LRCH1: variants seen among roughly 807,000 people sequenced by gnomAD.
LRCH1 encodes leucine-rich repeat and calponin homology domain-containing protein 1.
In LRCH1, 23 loss-of-function variants were observed where a neutral mutation model predicts 94.9. The ratio of observed to expected loss-of-function variants is 0.24; its 90% CI spans 0.17 to 0.34. The LOEUF is 0.34. LRCH1 is among the 10% of genes least tolerant of loss of function. LRCH1 has a pLI of 1.00. For synonymous variants in LRCH1, 364 were observed against 354.9 expected, an observed-to-expected ratio of 1.03 and a Z score of -0.29; for missense variants, 790 against 945.9, an observed-to-expected ratio of 0.84 and a Z score of 2.16.
At chr13:46,672,944 C>G (rs1006813204) in intron 3 of LRCH1, among the ~76,000 whole-genome samples, 1 of 152,200 alleles carries the variant, frequency 6.6e-6, no homozygotes, top group Non-Finnish European at 1.5e-5. Context: ...AACACCCTCA[C>G]CCAGCGCAGT....
intron 1 of LRCH1, among the ~76,000 whole-genome samples, chr13:46,624,885 T>C (rs2050926012): frequency 1.3e-5 from 2 of 152,272 alleles, no homozygotes; most frequent in African/African-American, 4.8e-5. Flanking sequence ...AGTGAAATTT[T>C]GTATTAGGCA....
intron 1 of LRCH1, among the ~76,000 whole-genome samples, chr13:46,602,766 A>G (rs1403115160): frequency 1.3e-5 from 2 of 152,166 alleles, no homozygotes; most frequent in African/African-American, 4.8e-5. Context: ...TAGATTGGGC[A>G]ACATGGTAAA....
intron 1 of LRCH1, among the ~76,000 whole-genome samples, chr13:46,624,520 A>T (rs1477079407): frequency 6.6e-6 from 1 of 152,218 alleles, no homozygotes; most frequent in Non-Finnish European, 1.5e-5. Context: ...CGTTGGTGAG[A>T]GAACATGAAT....
chr13:46,674,892 G>A (rs532047593), intron 3 of LRCH1, among the ~76,000 whole-genome samples: 3 of 152,290 alleles, frequency 2.0e-5, no homozygotes, highest in Admixed American at 1.3e-4. Context: ...TCTCTTCACC[G>A]AAACTGTAAG....
intron 5 of LRCH1, 90 bp downstream of exon 5, chr13:46,686,131 G>A (rs963155991): frequency 7.0e-6 from 9 of 1,287,184 alleles, no homozygotes; most frequent in Non-Finnish European, 9.1e-6. Context: ...CTGAAAGTTT[G>A]CTGAAAATCA....
intron 1 of LRCH1, among the ~76,000 whole-genome samples, chr13:46,573,816 A>G (rs2050267447): frequency 7.0e-6 from 1 of 142,448 alleles, no homozygotes; most frequent in Non-Finnish European, 1.5e-5. Context: ...GATCTAGTAT[A>G]TGATAGCACA....
intron 2 of LRCH1, among the ~76,000 whole-genome samples, chr13:46,659,083 C>T (rs2051412263): frequency 6.6e-6 from 1 of 152,156 alleles, no homozygotes; most frequent in Non-Finnish European, 1.5e-5. Flanking sequence ...TGGAAAGGTA[C>T]ATTAGACAAG....
At chr13:46,641,226 G>A (rs777075187) in intron 1 of LRCH1, among the ~76,000 whole-genome samples, 3 of 152,132 alleles carry the variant, frequency 2.0e-5, no homozygotes, top group Non-Finnish European at 2.9e-5. Flanking sequence ...ATGTAGCTGC[G>A]ATTCTTCTAG....
chr13:46,627,816 T>C (rs2050968980), intron 1 of LRCH1, among the ~76,000 whole-genome samples: 1 of 152,220 alleles, frequency 6.6e-6, no homozygotes, highest in African/African-American at 2.4e-5. Context: ...TTTATACTTT[T>C]TGGATCCGTG....
intron 9 of LRCH1, among the ~76,000 whole-genome samples, chr13:46,695,670 A>G (rs537591192): frequency 1.3e-5 from 2 of 152,344 alleles, no homozygotes; most frequent in South Asian, 4.1e-4. Context: ...CCCAAGAATC[A>G]TAAAGATTAT....
At chr13:46,701,098 T>C in intron 10 of LRCH1, 23 bp from the exon 11 acceptor site, 1 of 1,487,264 alleles carries the variant, frequency 6.7e-7, no homozygotes, top group African/African-American at 1.4e-5. Context: ...GTTTTCATTC[T>C]TATGCTTGGT....
rs549892376 is a variant in LRCH1 at position 46,655,334 on chromosome 13, T to G, written c.452+4989T>G. Among the ~76,000 whole-genome samples, 3 of 152,348 alleles carry G rather than the reference T, an allele frequency of 2.0e-5. No individual in the cohort carries two copies. The East Asian group carries it at 5.8e-4, about 29-fold the overall frequency. ...TACTGTGAAGTGCAGTTAAAAACACTTACATATTTTTCACATTTTCTCACA... is the reference window on the plus strand; with the variant it reads ...TACTGTGAAGTGCAGTTAAAAACACGTACATATTTTTCACATTTTCTCACA... On this transcript the variant is annotated intron_variant, in intron 2 of 19. Transcript: ENST00000389797.
chr13:46,562,312 A>G (rs1594245058), intron 1 of LRCH1, among the ~76,000 whole-genome samples: 1 of 152,210 alleles, frequency 6.6e-6, no homozygotes, highest in African/African-American at 2.4e-5. Context: ...GACAACAGAA[A>G]TTAATTTTCC....
intron 11 of LRCH1, among the ~76,000 whole-genome samples, chr13:46,703,966 C>T (rs866281520): frequency 6.6e-6 from 1 of 152,062 alleles, no homozygotes; most frequent in South Asian, 2.1e-4. Flanking sequence ...AACTAACCTT[C>T]CAAGTGACAC....
intron 1 of LRCH1, among the ~76,000 whole-genome samples, chr13:46,590,578 T>C (rs1214798981): frequency 6.6e-6 from 1 of 152,132 alleles, no homozygotes; most frequent in African/African-American, 2.4e-5. Context: ...GGCAGGAGGA[T>C]CACTTGAGCC....
rs2051561970 is a variant in LRCH1 at position 46,669,017 on chromosome 13, A to G, written c.453-13A>G. On this transcript the variant is annotated splice_polypyrimidine_tract_variant and intron_variant, in intron 2 of 19. Coordinates refer to ENST00000389797, the MANE Select transcript of LRCH1 (RefSeq NM_001164211.2). Reference sequence around the variant, plus strand: ...TTCTGTTTACATGTGTTCTTGTTGTATTGTCTTTGCAGTCGAAATCAGCTG... The same window carrying G: ...TTCTGTTTACATGTGTTCTTGTTGTGTTGTCTTTGCAGTCGAAATCAGCTG... The G allele has an allele frequency of 1.9e-6, 3 of 1,613,382 alleles. No individual in the cohort carries two copies. Among genetic ancestry groups the G allele is most frequent in the East Asian group, 2.2e-5 (1 of 44,824 alleles).
At position 46,592,230 on chromosome 13, in the gene LRCH1, G is replaced by A. The variant is rs147034814; in HGVS notation, c.307+38527G>A. ...GGATTGATCATTTTTGTTCAAAACA[G>A]GAGTATTCCTGAGTCAGAGTCAGCC... On this transcript the variant is annotated intron_variant, in intron 1 of 19. Coordinates refer to ENST00000389797, the MANE Select transcript of LRCH1 (RefSeq NM_001164211.2). 1.6e-4 allele frequency among the ~76,000 whole-genome samples: 25 copies of A among 152,268 alleles called. 1 individual carries two copies. The East Asian group carries it at 4.1e-3, about 25-fold the overall frequency.
chr13:46,556,531 G>A (rs965774226), intron 1 of LRCH1, among the ~76,000 whole-genome samples: 1 of 152,270 alleles, frequency 6.6e-6, no homozygotes, highest in African/African-American at 2.4e-5. Flanking sequence ...CTGATGGAAA[G>A]GGACAAAACA....
intron 1 of LRCH1, among the ~76,000 whole-genome samples, chr13:46,582,689 C>CG (rs1220493358): frequency 8.1e-5 from 3 of 37,038 alleles, no homozygotes; most frequent in African/African-American, 8.7e-5. Context: ...TTAGTAGAGA[C>CG]GGGGTCTCAA....
Sources: gnomAD v4.1 joint callset for allele counts (sites outside exome capture counted in the v4.1 genomes callset) on GRCh38, gnomAD v4.1.1 for gene constraint, MANE v1.5 for transcripts, NCBI Gene and HGNC (gene_info 2026-07-23, HGNC 2026-07-21) for gene names.